Variants in FIP1L1 observed in about 807,000 individuals in gnomAD.
FIP1L1 encodes the protein pre-mRNA 3'-end-processing factor FIP1.
FIP1L1 carries 21 observed loss-of-function variants against 84.6 expected under a neutral mutation model. The observed-to-expected ratio is 0.25, with a 90% CI of 0.18 to 0.36. The LOEUF (loss-of-function observed/expected upper bound fraction) is 0.36, where lower values mean the gene tolerates loss of function less well. Among genes scored for constraint, FIP1L1 ranks in the 10% least tolerant of loss-of-function variants. FIP1L1 has a pLI of 1.00. For missense variants in FIP1L1, 526 were observed against 751.1 expected (o/e 0.70, Z 3.50); for synonymous variants, 263 against 242.3 (o/e 1.09, Z -0.80).
At chr4:53,440,385 G>A (rs1051150436) in intron 13 of FIP1L1, among the ~76,000 whole-genome samples, 1 of 151,908 alleles carries the variant, frequency 6.6e-6, no homozygotes, top group Admixed American at 6.6e-5. Flanking sequence ...TTGTTAGACT[G>A]GGTTTTCATC....
At chr4:53,426,297 A>T (rs1342481033) in intron 12 of FIP1L1, among the ~76,000 whole-genome samples, 1 of 152,190 alleles carries the variant, frequency 6.6e-6, no homozygotes, top group Non-Finnish European at 1.5e-5. Context: ...CTTAGAGATG[A>T]GACCCAAGTC....
chr4:53,385,190 A>C (rs1283031843), intron 5 of FIP1L1, among the ~76,000 whole-genome samples: 1 of 152,170 alleles, frequency 6.6e-6, no homozygotes, highest in African/African-American at 2.4e-5. Context: ...GGCCTTTACT[A>C]TCTGCATGAT....
At chr4:53,406,059 G>C (rs1374195767) in intron 10 of FIP1L1, among the ~76,000 whole-genome samples, 2 of 151,986 alleles carry the variant, frequency 1.3e-5, no homozygotes, top group African/African-American at 4.8e-5. Flanking sequence ...AATAGGAGTG[G>C]TGAGAGAGGG....
rs77921862 is a variant in FIP1L1 at position 53,444,422 on chromosome 4, G to A, written c.1285+319G>A. On this transcript the variant is annotated intron_variant, in intron 15 of 17. Coordinates refer to ENST00000337488, the MANE Select transcript of FIP1L1 (RefSeq NM_030917.4). ...TAACGTTTCTATTTCTTCACTTATG[G>A]CACACACCTAACCTTGTTTCCATCT... Among the ~76,000 whole-genome samples the A allele has an allele frequency of 2.6e-3, 399 of 152,048 alleles. 14 individuals carry two copies. The East Asian group carries it at 0.066, about 25-fold the overall frequency.
chr4:53,399,724 T>A lies in FIP1L1; in HGVS notation c.706-6T>A. 1.3e-6 allele frequency: 2 copies of A among 1,595,216 alleles called. No homozygotes were observed. Among genetic ancestry groups the A allele is most frequent in the Non-Finnish European group, 1.7e-6 (2 of 1,167,456 alleles). On this transcript the variant is annotated splice_polypyrimidine_tract_variant and splice_region_variant and intron_variant, in intron 9 of 17. Transcript: ENST00000337488. ...TTCAACAAGCTAATAACCTTTTTTTTTTAAGGTACAGCAGGGAAGAACTGG... is the reference window on the plus strand; with the variant it reads ...TTCAACAAGCTAATAACCTTTTTTTATTAAGGTACAGCAGGGAAGAACTGG...
intron 10 of FIP1L1, among the ~76,000 whole-genome samples, chr4:53,409,518 C>T (rs1383947481): frequency 2.6e-5 from 4 of 152,198 alleles, no homozygotes; most frequent in Admixed American, 2.6e-4. Flanking sequence ...AACCACTGCT[C>T]TCTTCAAAGC....
At chr4:53,397,040 ATTTTTC>A (rs1470228960) in intron 9 of FIP1L1, among the ~76,000 whole-genome samples, 2 of 152,198 alleles carry the variant, frequency 1.3e-5, no homozygotes, top group Non-Finnish European at 2.9e-5. Context: ...ATTCAAAGTT[ATTTTTC>A]TTTTTAACCG....
chr4:53,411,190 G>A (rs1317585797), intron 10 of FIP1L1, among the ~76,000 whole-genome samples: 3 of 152,172 alleles, frequency 2.0e-5, no homozygotes, highest in Non-Finnish European at 2.9e-5. Context: ...TTACTTGAGG[G>A]AGTTATTGTA....
At chr4:53,405,924 G>A (rs1391238478) in intron 10 of FIP1L1, among the ~76,000 whole-genome samples, 1 of 150,328 alleles carries the variant, frequency 6.7e-6, no homozygotes, top group East Asian at 1.9e-4. Context: ...ACAATGGGGT[G>A]TTCTAGATAT....
chr4:53,443,929 C>A, intron 14 of FIP1L1, 119 bp from the exon 15 acceptor site: 2 of 550,764 alleles, frequency 3.6e-6, no homozygotes, highest in African/African-American at 1.9e-5. Context: ...ACTAAATTAT[C>A]ATTAAATTGG....
chr4:53,445,165 G>T (rs1773659339), intron 15 of FIP1L1, among the ~76,000 whole-genome samples: 1 of 152,148 alleles, frequency 6.6e-6, no homozygotes, highest in Non-Finnish European at 1.5e-5. Context: ...GTGGAGTTTG[G>T]ACCTTATTCA....
intron 11 of FIP1L1, among the ~76,000 whole-genome samples, chr4:53,424,384 T>A (rs1763543033): frequency 1.3e-5 from 2 of 152,052 alleles, no homozygotes; most frequent in African/African-American, 4.8e-5. Context: ...ATATTTGGAT[T>A]TTTGTAACAT....
chr4:53,377,829 C>A lies in FIP1L1; in HGVS notation c.-10C>A. The A allele has an allele frequency of 6.4e-7, 1 of 1,561,068 alleles. No individual in the cohort carries two copies. The highest frequency in any genetic ancestry group is 1.2e-5 in the South Asian group (1 of 84,050). ...TTGATCGCCGCGTTTAAGTTGCGCT[C>A]GGGGCGGCCATGTCGGCCGGCGAGG... On this transcript the variant is annotated 5_prime_UTR_variant, in exon 1 of 18. It introduces an in-frame stop codon into an upstream open reading frame of the 5' UTR. Coordinates refer to ENST00000337488, the MANE Select transcript of FIP1L1 (RefSeq NM_030917.4).
intron 3 of FIP1L1, among the ~76,000 whole-genome samples, chr4:53,379,643 A>G (rs1736721362): frequency 6.6e-6 from 1 of 152,200 alleles, no homozygotes; most frequent in South Asian, 2.1e-4. Context: ...CTGCTTTTCC[A>G]GTTTATTAAC....
intron 10 of FIP1L1, among the ~76,000 whole-genome samples, chr4:53,409,105 T>A (rs182187996): frequency 1.1e-4 from 17 of 152,258 alleles, no homozygotes; most frequent in African/African-American, 3.6e-4. Flanking sequence ...TCTGCTCTGT[T>A]TTTTCCCCAT....
At chr4:53,442,577 A>T in intron 13 of FIP1L1, 76 bp from the exon 14 acceptor site, 1 of 970,514 alleles carries the variant, frequency 1.0e-6, no homozygotes, top group Non-Finnish European at 1.7e-6. Flanking sequence ...ATTTAGTGAT[A>T]TGCAGCAACT....
chr4:53,459,479 T>A lies in FIP1L1; in HGVS notation c.*30T>A, dbSNP rs1721342970. 3.1e-6 allele frequency: 5 copies of A among 1,612,898 alleles called. No individual in the cohort carries two copies. The highest frequency in any genetic ancestry group is 3.3e-5 in the Admixed American group (2 of 59,952). On this transcript the variant is annotated 3_prime_UTR_variant, in exon 18 of 18. Coordinates refer to ENST00000337488, the MANE Select transcript of FIP1L1 (RefSeq NM_030917.4). ...GGTTTTGGCCTTTTGTGTATATTAGTACCAGAAGTAGATACTATAAATCTT... is the reference window on the plus strand; with the variant it reads ...GGTTTTGGCCTTTTGTGTATATTAGAACCAGAAGTAGATACTATAAATCTT...
chr4:53,406,379 A>G (rs1410478137), intron 10 of FIP1L1, among the ~76,000 whole-genome samples: 3 of 152,178 alleles, frequency 2.0e-5, no homozygotes, highest in Non-Finnish European at 4.4e-5. Flanking sequence ...ATGGTGGATA[A>G]GCTTTTTGAT....
chr4:53,434,556 C>T lies in FIP1L1; in HGVS notation c.1174+6373C>T, dbSNP rs547345556. Reference sequence around the variant, plus strand: ...GCACTATCTCAGCTCACTGCAACCTCTGCCTCCCAGGTTCAAGCGATTCTC... The same window carrying T: ...GCACTATCTCAGCTCACTGCAACCTTTGCCTCCCAGGTTCAAGCGATTCTC... On this transcript the variant is annotated intron_variant, in intron 13 of 17. Transcript: ENST00000337488. 5.3e-5 allele frequency among the ~76,000 whole-genome samples: 8 copies of T among 151,666 alleles called. No individual in the cohort carries two copies. In the East Asian group the frequency reaches 1.6e-3, roughly 29 times the overall value.
Sources: allele counts gnomAD v4.1 joint callset (sites outside exome capture counted in the v4.1 genomes callset), GRCh38; gene constraint gnomAD v4.1.1; transcripts MANE v1.5; gene names NCBI Gene and HGNC (gene_info 2026-07-23, HGNC 2026-07-21).